GPC5: variants seen among roughly 807,000 people sequenced by gnomAD.
GPC5 encodes glypican 5.
A neutral mutation model predicts 53.9 loss-of-function variants in GPC5; 47 were observed. That is an observed-to-expected ratio of 0.87 (90% CI 0.69 to 1.11). GPC5 has a LOEUF of 1.11. Ranked by LOEUF, GPC5 falls within the 50% of genes most tolerant of loss-of-function variation. The pLI, the probability that GPC5 is intolerant of heterozygous loss-of-function variation, is 0.00. For synonymous variants in GPC5, 286 were observed against 263.3 expected, an observed-to-expected ratio of 1.09 and a Z score of -0.84; for missense variants, 748 against 713.1, an observed-to-expected ratio of 1.05 and a Z score of -0.56.
At chr13:91,682,154 A>T (rs1450411992) in intron 2 of GPC5, among the ~76,000 whole-genome samples, 1 of 152,208 alleles carries the variant, frequency 6.6e-6, no homozygotes, top group Non-Finnish European at 1.5e-5. Flanking sequence ...CAACTTGATC[A>T]TCTGTAAACT....
intron 5 of GPC5, among the ~76,000 whole-genome samples, chr13:91,826,424 A>G (rs936721006): frequency 4.6e-5 from 7 of 152,082 alleles, no homozygotes; most frequent in African/African-American, 1.7e-4. Flanking sequence ...TAAAATCATA[A>G]GTTGAGAAAT....
intron 7 of GPC5, among the ~76,000 whole-genome samples, chr13:92,220,606 G>A (rs1444006853): frequency 2.0e-5 from 3 of 152,222 alleles, no homozygotes; most frequent in South Asian, 2.1e-4. Context: ...TAGAGACTGT[G>A]ATTTTTAAAT....
At chr13:92,192,736 G>T (rs1401482040) in intron 7 of GPC5, among the ~76,000 whole-genome samples, 1 of 152,102 alleles carries the variant, frequency 6.6e-6, no homozygotes, top group African/African-American at 2.4e-5. Flanking sequence ...GCCCACGTAT[G>T]GGATTGCAGA....
rs115072843 is a variant in GPC5, at chr13:91,422,287, A to G, written c.163+23078A>G. On this transcript the variant is annotated intron_variant, in intron 1 of 7. Coordinates refer to ENST00000377067, the MANE Select transcript of GPC5 (RefSeq NM_004466.6). Reference sequence around the variant, plus strand: ...GTATTTTACTCTTAAATATATCGCCATAGTCTGCTTTCTGTTGCTATAACT... The same window carrying G: ...GTATTTTACTCTTAAATATATCGCCGTAGTCTGCTTTCTGTTGCTATAACT... Among the ~76,000 whole-genome samples the G allele has an allele frequency of 8.3e-3, 1,265 of 152,320 alleles. 23 individuals are homozygous for G. Among genetic ancestry groups the G allele is most frequent in the South Asian group, 0.078 (377 of 4,818 alleles).
intron 1 of GPC5, among the ~76,000 whole-genome samples, chr13:91,410,573 C>A (rs1010643972): frequency 1.3e-5 from 2 of 151,598 alleles, no homozygotes; most frequent in Non-Finnish European, 2.9e-5. Context: ...GTCTCGATCT[C>A]CTGACCTCGT....
At chr13:92,515,928 C>T (rs966403331) in intron 7 of GPC5, among the ~76,000 whole-genome samples, 15 of 152,140 alleles carry the variant, frequency 9.9e-5, no homozygotes, top group African/African-American at 3.6e-4. Flanking sequence ...CATTTCTTTT[C>T]ATGAATATAA....
At chr13:91,897,642 T>C (rs1370727857) in intron 5 of GPC5, among the ~76,000 whole-genome samples, 5 of 152,132 alleles carry the variant, frequency 3.3e-5, no homozygotes, top group Non-Finnish European at 7.4e-5. Context: ...AAATTACATC[T>C]GTAAAACTGT....
chr13:92,071,776 GAC>G (rs1033194231), intron 6 of GPC5, among the ~76,000 whole-genome samples: 6 of 150,038 alleles, frequency 4.0e-5, no homozygotes, highest in African/African-American at 1.5e-4. Flanking sequence ...CAAGAGAAAA[GAC>G]ACAATTTTTT....
At chr13:92,422,554 T>G (rs1268143889) in intron 7 of GPC5, among the ~76,000 whole-genome samples, 2 of 149,058 alleles carry the variant, frequency 1.3e-5, no homozygotes, top group Non-Finnish European at 3.0e-5. Context: ...AGAAAAGTAT[T>G]CCCCCATTGT....
chr13:91,946,637 G>T (rs1358546295), intron 6 of GPC5, among the ~76,000 whole-genome samples: 1 of 152,126 alleles, frequency 6.6e-6, no homozygotes, highest in Non-Finnish European at 1.5e-5. Flanking sequence ...CATGTTACGT[G>T]ACAGCCCCGG....
At chr13:91,871,562 A>C (rs1163141932) in intron 5 of GPC5, among the ~76,000 whole-genome samples, 3 of 152,212 alleles carry the variant, frequency 2.0e-5, no homozygotes, top group East Asian at 3.8e-4. Context: ...TTTAAAATTA[A>C]AAAATACAGT....
chr13:92,810,617 A>C (rs546890563), intron 7 of GPC5, among the ~76,000 whole-genome samples: 16 of 151,962 alleles, frequency 1.1e-4, no homozygotes, highest in African/African-American at 3.6e-4. Context: ...CTCCACCCCC[A>C]GTAACCTTGA....
intron 6 of GPC5, among the ~76,000 whole-genome samples, chr13:92,024,402 G>T (rs552086869): frequency 1.2e-4 from 18 of 152,188 alleles, no homozygotes; most frequent in African/African-American, 4.3e-4. Flanking sequence ...TGCGGTCATT[G>T]TCCAGACCTC....
At chr13:92,733,115 G>T (rs775374441) in intron 7 of GPC5, among the ~76,000 whole-genome samples, 4 of 151,678 alleles carry the variant, frequency 2.6e-5, no homozygotes, top group Non-Finnish European at 5.9e-5. Context: ...ATATCATCAT[G>T]CAATTTATGG....
chr13:91,433,357 C>A (rs139922699), intron 1 of GPC5, among the ~76,000 whole-genome samples: 23 of 139,542 alleles, frequency 1.6e-4, no homozygotes, highest in South Asian at 1.6e-3. Flanking sequence ...CCCCTCCCCC[C>A]ACCCCACAAC....
At chr13:92,078,678 A>G (rs2041271507) in intron 6 of GPC5, among the ~76,000 whole-genome samples, 1 of 152,032 alleles carries the variant, frequency 6.6e-6, no homozygotes, top group African/African-American at 2.4e-5. Context: ...ACTGCTTCCA[A>G]TACCTTCCTA....
chr13:92,025,121 T>G (rs538847831), intron 6 of GPC5, among the ~76,000 whole-genome samples: 1 of 152,154 alleles, frequency 6.6e-6, no homozygotes, highest in Non-Finnish European at 1.5e-5. Context: ...TTTGTTTCTT[T>G]TTTTCTTTAA....
intron 7 of GPC5, among the ~76,000 whole-genome samples, chr13:92,321,976 C>A (rs954034469): frequency 1.3e-5 from 2 of 151,964 alleles, no homozygotes; most frequent in African/African-American, 2.4e-5. Context: ...CAATTTATAA[C>A]CTGAGCAATA....
intron 7 of GPC5, among the ~76,000 whole-genome samples, chr13:92,209,842 T>C (rs2042362604): frequency 6.6e-6 from 1 of 152,068 alleles, no homozygotes; most frequent in Admixed American, 6.6e-5. Context: ...ACTCACACGA[T>C]TACAAGGTGA....
Sources: gnomAD v4.1 joint callset for allele counts (sites outside exome capture counted in the v4.1 genomes callset) on GRCh38, gnomAD v4.1.1 for gene constraint, MANE v1.5 for transcripts, NCBI Gene and HGNC (gene_info 2026-07-23, HGNC 2026-07-21) for gene names.